The following AKR1C4 variants were observed in gnomAD, a reference collection of about 807,000 sequenced individuals.
AKR1C4 encodes 3-alpha-HSD1.
AKR1C4 carries 44 observed loss-of-function variants against 41.0 expected under a neutral mutation model. The observed-to-expected ratio is 1.07, with a 90% confidence interval of 0.84 to 1.38. The LOEUF (loss-of-function observed/expected upper bound fraction) is 1.38. Ranked by LOEUF, AKR1C4 falls within the 40% of genes most tolerant of loss-of-function variation. The pLI is 0.00. For synonymous variants in AKR1C4, 165 were observed against 137.7 expected (o/e 1.20, Z -1.39); for missense variants, 438 against 387.9 (o/e 1.13, Z -1.09).
Position 5,212,616 on chromosome 10 carries a change from G to C in AKR1C4, c.571G>C (p.Val191Leu). Residue 191 changes from valine (V) to leucine (L), a missense_variant and splice_region_variant, in exon 6 of 9, where the codon GTA becomes CTA. Coordinates refer to ENST00000263126, the MANE Select transcript of AKR1C4 (RefSeq NM_001818.5). ...GLKYKPVCNQ[V>L]ECHPYLNQSK... ...GCTTTTCTCTCTTGATCATCTAAAG[G>C]TAGAATGTCATCCTTACCTCAACCA... is the stretch of plus-strand genomic sequence containing the variant. The C allele has an allele frequency of 1.2e-6, 2 of 1,610,652 alleles. No individual in the cohort carries two copies. The highest frequency in any genetic ancestry group is 1.7e-6 in the Non-Finnish European group (2 of 1,178,850).
chr10:5,209,384 C>T (rs186565885), intron 5 of AKR1C4, among the ~76,000 whole-genome samples: 57 of 152,070 alleles, frequency 3.7e-4, no homozygotes, highest in Middle Eastern at 3.4e-3. Flanking sequence ...ACAAGTTTTA[C>T]TATTCTTTAC....
chr10:5,206,141 A>T, intron 4 of AKR1C4, 134 bp from the exon 5 acceptor site: 1 of 1,468,316 alleles, frequency 6.8e-7, no homozygotes, highest in Non-Finnish European at 9.2e-7. Context: ...ATCTGTTGTA[A>T]TTTTTTCTCT....
rs1039999056 is a variant in AKR1C4 at position 5,204,579 on chromosome 10, G to A, written c.369+86G>A. The A allele has an allele frequency of 5.6e-6, 6 of 1,067,970 alleles. No homozygotes were observed. The East Asian group carries it at 9.4e-5, about 17-fold the overall frequency. The allele number at this position is 1,067,970 out of a possible 1,614,324, so 66.2% of individuals were successfully genotyped here. A position where few individuals can be genotyped will look rare whatever the true frequency, so the allele number is the denominator to read the frequency against. On this transcript the variant is annotated intron_variant, in intron 3 of 8. Coordinates refer to ENST00000263126, the MANE Select transcript of AKR1C4 (RefSeq NM_001818.5). The stretch of plus-strand genomic sequence containing the variant: ...TTGAATTGAACTTCTTCTAAGGAGG[G>A]TGTAGGTGTTATTACATGGCAGAAG...
At chr10:5,214,918 T>C (rs1467957515) in intron 7 of AKR1C4, among the ~76,000 whole-genome samples, 1 of 152,188 alleles carries the variant, frequency 6.6e-6, no homozygotes, top group African/African-American at 2.4e-5. Context: ...CAAGAAACTA[T>C]TTGTGTTCTT....
intron 7 of AKR1C4, among the ~76,000 whole-genome samples, chr10:5,214,072 TTAA>T (rs1321549339): frequency 3.3e-5 from 5 of 151,998 alleles, no homozygotes; most frequent in African/African-American, 1.2e-4. Flanking sequence ...TTATTGTCTA[TTAA>T]TATCTTATAA....
At chr10:5,215,189 A>G (rs1303072818) in intron 7 of AKR1C4, among the ~76,000 whole-genome samples, 1 of 152,158 alleles carries the variant, frequency 6.6e-6, no homozygotes, top group Non-Finnish European at 1.5e-5. Flanking sequence ...CTGGAGAAAA[A>G]TTTTGAAACT....
At chr10:5,214,518 G>C (rs781872855) in intron 7 of AKR1C4, among the ~76,000 whole-genome samples, 31 of 152,150 alleles carry the variant, frequency 2.0e-4, no homozygotes, top group Admixed American at 4.6e-4. Flanking sequence ...AGAACTGATT[G>C]AGACTTCCAG....
chr10:5,218,399 A>G (rs528325476), intron 8 of AKR1C4, among the ~76,000 whole-genome samples: 1 of 152,340 alleles, frequency 6.6e-6, no homozygotes, highest in African/African-American at 2.4e-5. Context: ...TCCTGCTTTC[A>G]TTGAGAATTT....
Position 5,196,886 on chromosome 10 carries a change from CGTGTAGAGCTAAATGATG to C in AKR1C4, c.22_39del (p.Val8_Gly13del), listed in dbSNP as rs781927212. On this transcript the variant is annotated inframe_deletion, in exon 1 of 9. Coordinates refer to ENST00000263126, the MANE Select transcript of AKR1C4 (RefSeq NM_001818.5). ...GCAAGCAATGGATCCCAAATATCAG[CGTGTAGAGCTAAATGATG>C]GTCACTTCATGCCCGTATTGGGATT... 6.2e-7 allele frequency: 1 copy of C among 1,614,070 alleles called. No individual in the cohort carries two copies. The highest frequency in any genetic ancestry group is 1.3e-5 in the African/African-American group (1 of 75,036).
intron 2 of AKR1C4, among the ~76,000 whole-genome samples, chr10:5,201,227 C>T (rs1344316345): frequency 1.3e-5 from 2 of 152,104 alleles, no homozygotes; most frequent in African/African-American, 2.4e-5. Context: ...TCCTACCAGC[C>T]GTGTAAAAGT....
rs782461238 is a variant in AKR1C4, at chr10:5,218,808, G to A, written c.*48G>A. On this transcript the variant is annotated 3_prime_UTR_variant, in exon 9 of 9. Coordinates refer to ENST00000263126, the MANE Select transcript of AKR1C4 (RefSeq NM_001818.5). ...CTAGCAGAAGGCCCTGTGTGTGGATGGTGATGCAGAGGATGTCTCTATGCT... is the reference window on the plus strand; with the variant it reads ...CTAGCAGAAGGCCCTGTGTGTGGATAGTGATGCAGAGGATGTCTCTATGCT... The A allele has an allele frequency of 1.6e-5, 25 of 1,544,732 alleles. No individual in the cohort carries two copies. Among genetic ancestry groups the A allele is most frequent in the Non-Finnish European group, 2.1e-5 (23 of 1,118,180 alleles).
chr10:5,216,607 A>G (rs1554798524), intron 7 of AKR1C4, 104 bp from the exon 8 acceptor site: 8 of 737,070 alleles, frequency 1.1e-5, no homozygotes, highest in Non-Finnish European at 1.6e-5. Flanking sequence ...AAACTTATCA[A>G]GTATTTTACA....
chr10:5,209,799 A>G (rs1832542953), intron 5 of AKR1C4, among the ~76,000 whole-genome samples: 1 of 152,154 alleles, frequency 6.6e-6, no homozygotes, highest in Non-Finnish European at 1.5e-5. Context: ...CCCTCCCACA[A>G]CACATGGGAA....
intron 2 of AKR1C4, among the ~76,000 whole-genome samples, chr10:5,202,984 A>C (rs981799429): frequency 8.8e-6 from 1 of 113,976 alleles, no homozygotes; most frequent in Non-Finnish European, 1.7e-5. Context: ...TGTGTGTGTT[A>C]TGTCCTTTCC....
intron 5 of AKR1C4, 99 bp downstream of exon 5, chr10:5,206,496 A>G: frequency 6.4e-7 from 1 of 1,572,320 alleles, no homozygotes; most frequent in Non-Finnish European, 8.6e-7. Context: ...CATTTGTGAA[A>G]CAGAAGATTC....
intron 2 of AKR1C4, among the ~76,000 whole-genome samples, chr10:5,201,385 T>C (rs1238926274): frequency 3.3e-5 from 5 of 152,206 alleles, no homozygotes; most frequent in South Asian, 2.1e-4. Flanking sequence ...CATATGTTCG[T>C]TGGCTGTTTG....
chr10:5,198,207 A>C (rs1832340956), intron 1 of AKR1C4, among the ~76,000 whole-genome samples: 1 of 152,164 alleles, frequency 6.6e-6, no homozygotes, highest in Non-Finnish European at 1.5e-5. Flanking sequence ...TCTTAGGTAT[A>C]AATCTACATC....
At chr10:5,210,666 C>T (rs1832560395) in intron 5 of AKR1C4, among the ~76,000 whole-genome samples, 1 of 150,916 alleles carries the variant, frequency 6.6e-6, no homozygotes, top group South Asian at 2.1e-4. Flanking sequence ...GGCTGGAGTG[C>T]AATGGCGCTA....
At chr10:5,211,065 C>T (rs999023742) in intron 5 of AKR1C4, among the ~76,000 whole-genome samples, 1 of 152,216 alleles carries the variant, frequency 6.6e-6, no homozygotes, top group Non-Finnish European at 1.5e-5. Flanking sequence ...GGCACCAAGT[C>T]CCTAGACTGC....
Sources: allele counts gnomAD v4.1 joint callset (sites outside exome capture counted in the v4.1 genomes callset), GRCh38; gene constraint gnomAD v4.1.1; transcripts MANE v1.5; gene names NCBI Gene and HGNC (gene_info 2026-07-23, HGNC 2026-07-21).